The following GSK3B variants were observed in gnomAD, a reference collection of about 807,000 sequenced individuals.
GSK3B encodes glycogen synthase kinase-3 beta.
Under a neutral mutation model 56.4 loss-of-function variants are expected in GSK3B, and 15 were observed. The ratio of observed to expected loss-of-function variants is 0.27; its 90% CI spans 0.18 to 0.41. The LOEUF is 0.41. Among genes scored for constraint, GSK3B ranks in the 10% least tolerant of loss-of-function variants. The probability of loss-of-function intolerance (pLI) is 1.00; values close to 1 mark genes in which losing one functional copy is unlikely to be tolerated. For synonymous variants in GSK3B, 181 were observed against 188.9 expected (o/e 0.96, Z 0.34); for missense variants, 300 against 513.4 (o/e 0.58, Z 4.02).
intron 10 of GSK3B, 85 bp from the exon 11 acceptor site, chr3:119,826,940 G>T: frequency 1.2e-6 from 1 of 828,964 alleles, no homozygotes; most frequent in Non-Finnish European, 2.1e-6. Flanking sequence ...ACTGCAGGCT[G>T]TGAACTGTAT....
chr3:119,848,449 T>G (rs1330212018), intron 9 of GSK3B, among the ~76,000 whole-genome samples: 1 of 152,184 alleles, frequency 6.6e-6, no homozygotes, highest in African/African-American at 2.4e-5. Context: ...GTATAATTTA[T>G]GTTAACATAA....
At chr3:119,946,762 T>C (rs2057103976) in intron 3 of GSK3B, among the ~76,000 whole-genome samples, 2 of 152,180 alleles carry the variant, frequency 1.3e-5, no homozygotes, top group Admixed American at 1.3e-4. Flanking sequence ...GACATAGGGA[T>C]CACTTAAAGT....
intron 1 of GSK3B, among the ~76,000 whole-genome samples, chr3:120,092,688 A>T (rs555166235): frequency 2.8e-4 from 42 of 152,258 alleles, no homozygotes; most frequent in Admixed American, 1.1e-3. Flanking sequence ...ATCCAATTGA[A>T]CACAAATGCA....
At chr3:119,875,282 T>C (rs1022804866) in intron 8 of GSK3B, among the ~76,000 whole-genome samples, 2 of 151,910 alleles carry the variant, frequency 1.3e-5, no homozygotes, top group African/African-American at 4.8e-5. Flanking sequence ...TCATAATATA[T>C]CTGATTAAGA....
chr3:119,934,809 T>C (rs2056978914), intron 3 of GSK3B, among the ~76,000 whole-genome samples: 1 of 152,190 alleles, frequency 6.6e-6, no homozygotes, highest in Non-Finnish European at 1.5e-5. Context: ...ATATAATATA[T>C]GTGCTCATAC....
At chr3:120,014,698 C>T (rs956517249) in intron 1 of GSK3B, among the ~76,000 whole-genome samples, 14 of 152,054 alleles carry the variant, frequency 9.2e-5, no homozygotes, top group African/African-American at 2.7e-4. Flanking sequence ...ATGATTCTAA[C>T]CTAAGAGATT....
At chr3:119,968,305 T>C (rs2057337688) in intron 2 of GSK3B, among the ~76,000 whole-genome samples, 1 of 152,186 alleles carries the variant, frequency 6.6e-6, no homozygotes, top group African/African-American at 2.4e-5. Context: ...ACCACTTCTT[T>C]ACATCACACA....
At chr3:119,929,934 A>G (rs2056928132) in intron 3 of GSK3B, among the ~76,000 whole-genome samples, 1 of 151,448 alleles carries the variant, frequency 6.6e-6, no homozygotes, top group African/African-American at 2.4e-5. Context: ...AATAATAATT[A>G]GCCAGGCCTG....
chr3:120,083,681 A>AT (rs1391069146), intron 1 of GSK3B, among the ~76,000 whole-genome samples: 1 of 152,202 alleles, frequency 6.6e-6, no homozygotes, highest in Admixed American at 6.5e-5. Context: ...ATCTGAAAAC[A>AT]TATGTCCACA....
At chr3:120,069,961 T>A (rs2058312701) in intron 1 of GSK3B, among the ~76,000 whole-genome samples, 1 of 152,188 alleles carries the variant, frequency 6.6e-6, no homozygotes, top group Non-Finnish European at 1.5e-5. Flanking sequence ...ATGCCTGTAA[T>A]CCCAGTACTT....
At chr3:120,018,141 C>T (rs1241300974) in intron 1 of GSK3B, among the ~76,000 whole-genome samples, 1 of 152,122 alleles carries the variant, frequency 6.6e-6, no homozygotes, top group Non-Finnish European at 1.5e-5. Context: ...TCATTTGATC[C>T]AAGCAACAGT....
intron 9 of GSK3B, among the ~76,000 whole-genome samples, chr3:119,855,056 T>C (rs2055997406): frequency 6.6e-6 from 1 of 152,226 alleles, no homozygotes; most frequent in African/African-American, 2.4e-5. Flanking sequence ...TGTGGGCATT[T>C]AGTGCTATAA....
chr3:119,963,649 G>GA (rs2057293845), intron 2 of GSK3B, among the ~76,000 whole-genome samples: 2 of 127,216 alleles, frequency 1.6e-5, no homozygotes, highest in African/African-American at 5.9e-5. Context: ...AAAAAAGAAA[G>GA]AAAAAAAGAA....
chr3:119,830,421 C>T (rs553791183), intron 10 of GSK3B, among the ~76,000 whole-genome samples: 17 of 152,212 alleles, frequency 1.1e-4, no homozygotes, highest in Admixed American at 5.2e-4. Flanking sequence ...TTTAAAATTC[C>T]GATAAATTGT....
intron 4 of GSK3B, among the ~76,000 whole-genome samples, chr3:119,916,406 TA>T (rs1220339823): frequency 2.0e-5 from 3 of 152,214 alleles, no homozygotes; most frequent in African/African-American, 4.8e-5. Flanking sequence ...CATTCTTTAA[TA>T]ACTCAAAAGA....
chr3:119,902,849 G>C (rs1211975098), intron 7 of GSK3B, among the ~76,000 whole-genome samples: 1 of 152,036 alleles, frequency 6.6e-6, no homozygotes, highest in Non-Finnish European at 1.5e-5. Flanking sequence ...CAAGTAGCTG[G>C]GGCTACAGGC....
At chr3:120,042,763 A>G (rs781442987) in intron 1 of GSK3B, among the ~76,000 whole-genome samples, 18 of 152,302 alleles carry the variant, frequency 1.2e-4, no homozygotes, top group Non-Finnish European at 1.9e-4. Context: ...AAAATATCAT[A>G]CTCCTTGGCA....
At chr3:120,038,181 T>C (rs1338305459) in intron 1 of GSK3B, among the ~76,000 whole-genome samples, 1 of 152,214 alleles carries the variant, frequency 6.6e-6, no homozygotes, top group African/African-American at 2.4e-5. Flanking sequence ...TCCTAAGCTA[T>C]TTTTAAAGGC....
At chr3:119,853,272 A>G (rs2055964478) in intron 9 of GSK3B, among the ~76,000 whole-genome samples, 1 of 152,036 alleles carries the variant, frequency 6.6e-6, no homozygotes, top group Admixed American at 6.6e-5. Context: ...GTTCTGTTCC[A>G]TTGGTCTATA....
Sources: allele counts gnomAD v4.1 joint callset (sites outside exome capture counted in the v4.1 genomes callset), GRCh38; gene constraint gnomAD v4.1.1; transcripts MANE v1.5; gene names NCBI Gene and HGNC (gene_info 2026-07-23, HGNC 2026-07-21).